Variants in PTPN6 observed in about 807,000 individuals in gnomAD.
The protein encoded by PTPN6 is tyrosine-protein phosphatase non-receptor type 6.
In PTPN6, 18 loss-of-function variants were observed where a neutral mutation model predicts 81.5. The ratio of observed to expected loss-of-function variants is 0.22; its 90% confidence interval spans 0.15 to 0.33. PTPN6 has a LOEUF of 0.33. PTPN6 is among the 10% of genes least tolerant of loss of function. The probability of loss-of-function intolerance (pLI) is 1.00; values close to 1 mark genes in which losing one functional copy is unlikely to be tolerated. For missense variants in PTPN6, 500 were observed against 794.2 expected (o/e 0.63, Z 4.45); for synonymous variants, 301 against 310.9 (o/e 0.97, Z 0.33).
upstream of PTPN6, among the ~76,000 whole-genome samples, chr12:6,949,815 T>C (rs1422726833): frequency 3.3e-5 from 5 of 150,900 alleles, no homozygotes; most frequent in East Asian, 8.0e-4. Context: ...TGTATGGTTT[T>C]TAATTTTTTT....
At chr12:6,946,639 G>A (rs1465451877), upstream of PTPN6, 2 of 1,151,570 alleles carry the variant, frequency 1.7e-6, no homozygotes, top group South Asian at 2.5e-5. Context: ...TTCCTCACCT[G>A]GCTTGGGCCA....
In PTPN6 at chr12:6,958,813, C is replaced by T. The variant is rs781929176; in HGVS notation, c.1361+740C>T. On this transcript the variant is annotated intron_variant, in intron 11 of 15. Coordinates refer to ENST00000318974, the MANE Select transcript of PTPN6 (RefSeq NM_002831.6). ...CCCCTCCGCTTACCAGCTGTGTGGTCTTGGACAAATTACTTAACTTTTCTA... is the reference window on the plus strand; with the variant it reads ...CCCCTCCGCTTACCAGCTGTGTGGTTTTGGACAAATTACTTAACTTTTCTA... 3.9e-5 allele frequency among the ~76,000 whole-genome samples: 6 copies of T among 152,304 alleles called. No homozygotes were observed. The South Asian group carries it at 1.0e-3, about 26-fold the overall frequency.
intron 15 of PTPN6, 56 bp from the exon 16 acceptor site, chr12:6,961,070 G>A (rs1314663487): frequency 6.9e-7 from 1 of 1,442,496 alleles, no homozygotes; most frequent in South Asian, 1.3e-5. Flanking sequence ...AGACCCTCTT[G>A]TTCCACCTCC....
At position 6,954,744 on chromosome 12, in the gene PTPN6, C is replaced by T. The variant is rs1945992124; in HGVS notation, c.327-61C>T. The T allele has an allele frequency of 6.5e-7, 1 of 1,538,588 alleles. No individual in the cohort carries two copies. Among genetic ancestry groups the T allele is most frequent in the African/African-American group, 1.4e-5 (1 of 73,358 alleles). ...ATTTCCGGCCCCTCTCTGTGAATGT[C>T]TCTGCTCAGCGCCTTCCCCTGTGGC... On this transcript the variant is annotated intron_variant, in intron 3 of 15. Coordinates refer to ENST00000318974, the MANE Select transcript of PTPN6 (RefSeq NM_002831.6). The surrounding 1 kb of genome is among the most constrained non-coding windows in gnomAD (Gnocchi z 5.4).
In PTPN6 at chr12:6,960,031, G is replaced by T. The variant is rs1555149431; in HGVS notation, c.1429+37G>T. On this transcript the variant is annotated intron_variant, in intron 12 of 15. Coordinates refer to ENST00000318974, the MANE Select transcript of PTPN6 (RefSeq NM_002831.6). This position sits in a 1 kb window ranked among gnomAD's most constrained non-coding sequence, Gnocchi z 6.1. ...CTGGGGGTTTGGGGGTGGGGGGTGA[G>T]CAGCCCCTCGGTGTCCGCCTATGCC... The T allele has an allele frequency of 1.1e-5, 17 of 1,612,142 alleles. No individual in the cohort carries two copies. Among genetic ancestry groups the T allele is most frequent in the Non-Finnish European group, 1.4e-5 (17 of 1,179,778 alleles).
In PTPN6 at chr12:6,956,084, G is replaced by A; in HGVS notation, c.845-58G>A. 1 of 1,558,910 alleles carries A rather than the reference G, an allele frequency of 6.4e-7. No individual in the cohort carries two copies. The stretch of plus-strand genomic sequence containing the variant: ...TGTTAGCTCAGGAGGGTCTGACCCA[G>A]GTGTGGTGAGTCCCTGGCTAACCCA... On this transcript the variant is annotated intron_variant, in intron 7 of 15. Coordinates refer to ENST00000318974, the MANE Select transcript of PTPN6 (RefSeq NM_002831.6). This position sits in a 1 kb window ranked among gnomAD's most constrained non-coding sequence, Gnocchi z 4.1.
At position 6,952,335 on chromosome 12, in the gene PTPN6, G is replaced by A; in HGVS notation, c.326+158G>A. On this transcript the variant is annotated intron_variant, in intron 3 of 15. Coordinates refer to ENST00000318974, the MANE Select transcript of PTPN6 (RefSeq NM_002831.6). This position sits in a 1 kb window ranked among gnomAD's most constrained non-coding sequence, Gnocchi z 8.1. ...GCTCTCAATGTCCCTCCTCCCTGCT[G>A]TCCTGGGACCTGGTGTCTCAGAGCC... The A allele has an allele frequency of 1.2e-6, 1 of 837,366 alleles. No homozygotes were observed. The highest frequency in any genetic ancestry group is 2.6e-5 in the East Asian group (1 of 37,828). 51.9% of individuals were successfully genotyped at this position (837,366 alleles called of 1,614,324 possible). A position where few individuals can be genotyped will look rare whatever the true frequency, so the allele number is the denominator to read the frequency against.
At chr12:6,950,057 G>A (rs1555147492), upstream of PTPN6, among the ~76,000 whole-genome samples, 2 of 146,654 alleles carry the variant, frequency 1.4e-5, no homozygotes, top group African/African-American at 5.1e-5. Flanking sequence ...TGGGATTACA[G>A]GCGTGAGCCA....
Position 6,951,698 on chromosome 12 carries a change from G to A in PTPN6, c.98G>A (p.Arg33His), listed in dbSNP as rs369614203. 157 of 1,613,444 alleles carry A rather than the reference G, an allele frequency of 9.7e-5. No individual in the cohort carries two copies. Among genetic ancestry groups the A allele is most frequent in the South Asian group, 1.9e-4 (17 of 91,082 alleles). ...GGTAGCTTCCTGGCTCGGCCCAGTC[G>A]CAAGAACCAGGGTGACTTCTCGCTC... Reference protein sequence around the residue: ...VHGSFLARPSRKNQGDFSLSV... With the variant: ...VHGSFLARPSHKNQGDFSLSV... The change falls in exon 2 of 16, where the codon CGC (arginine) becomes CAC (histidine). Residue 33 changes from arginine to histidine, a missense_variant. By Grantham distance (29) the Arg-to-His change is conservative. Transcript: ENST00000318974. The surrounding 1 kb of genome is among the most constrained non-coding windows in gnomAD (Gnocchi z 7.2).
chr12:6,946,698 G>A, upstream of PTPN6: 1 of 1,608,746 alleles, frequency 6.2e-7, no homozygotes, highest in Admixed American at 1.7e-5. Context: ...GCGGCCCTCT[G>A]CCGTGGCTTC....
chr12:6,958,166 C>T (rs1298980190), intron 11 of PTPN6, 93 bp downstream of exon 11: 24 of 1,524,188 alleles, frequency 1.6e-5, no homozygotes, highest in East Asian at 1.4e-4. Flanking sequence ...AACGTTAGCT[C>T]GCACATTGAG....
chr12:6,953,379 G>A (rs782182876), intron 3 of PTPN6: 1 of 152,326 alleles, frequency 6.6e-6, no homozygotes, highest in South Asian at 2.1e-4. Flanking sequence ...GCCTGGAGGT[G>A]GAAGAGAGGA....
At chr12:6,949,403 C>G (rs970904095), upstream of PTPN6, among the ~76,000 whole-genome samples, 7 of 152,180 alleles carry the variant, frequency 4.6e-5, no homozygotes, top group Non-Finnish European at 8.8e-5. Context: ...AGTGCCCATC[C>G]CATCTGCCCC....
chr12:6,948,570 A>G (rs2138251714), upstream of PTPN6, among the ~76,000 whole-genome samples: 1 of 152,042 alleles, frequency 6.6e-6, no homozygotes, highest in African/African-American at 2.4e-5. Context: ...AAGGAAAGAA[A>G]AAGAAAAAGT....
upstream of PTPN6, chr12:6,951,223 C>T: frequency 7.0e-6 from 10 of 1,421,758 alleles, no homozygotes; most frequent in Non-Finnish European, 9.2e-6. The surrounding 1 kb of genome is among the most constrained non-coding windows in gnomAD (Gnocchi z 7.2). Context: ...AAGTGGGCCC[C>T]GTCCCCACCC....
chr12:6,951,540 G>C lies in PTPN6; in HGVS notation c.8+20G>C. On this transcript the variant is annotated intron_variant, in intron 1 of 15. Transcript: ENST00000318974. This position sits in a 1 kb window ranked among gnomAD's most constrained non-coding sequence, Gnocchi z 7.2. ...GGTGAGGTAAGGGCCTGCCACCCAC[G>C]GTAGACAGGAGGCAAGGGTGCCTGG... is the stretch of plus-strand genomic sequence containing the variant. 6.2e-7 allele frequency: 1 copy of C among 1,613,946 alleles called. No homozygotes were observed. Among genetic ancestry groups the C allele is most frequent in the Non-Finnish European group, 8.5e-7 (1 of 1,179,970 alleles).
rs1224255495 is a variant in PTPN6 at position 6,951,387 on chromosome 12, C to CGGG, written c.-123_-121dup. On this transcript the variant is annotated 5_prime_UTR_variant, in exon 1 of 16. Transcript: ENST00000318974. The surrounding 1 kb of genome is among the most constrained non-coding windows in gnomAD (Gnocchi z 7.2). ...GTGGCAGCCCCAGAACTGGGACCACCGGGGGTGGTGAGGCGGCCCGGCACT... is the reference window on the plus strand; with the variant it reads ...GTGGCAGCCCCAGAACTGGGACCACCGGGGGGGGTGGTGAGGCGGCCCGGCACT... 7 of 1,546,948 alleles carry CGGG rather than the reference C, an allele frequency of 4.5e-6. No individual in the cohort carries two copies. The East Asian group carries it at 1.7e-4, about 38-fold the overall frequency.
chr12:6,946,841 C>G, upstream of PTPN6: 1 of 1,285,488 alleles, frequency 7.8e-7, no homozygotes, highest in Non-Finnish European at 1.1e-6. Flanking sequence ...TGAGTGCGAT[C>G]TGCCGCTGCC....
upstream of PTPN6, among the ~76,000 whole-genome samples, chr12:6,948,447 AAAAG>A (rs1156381940): frequency 5.0e-4 from 75 of 151,498 alleles, 1 homozygote; most frequent in East Asian, 0.011. Context: ...AAAAAAAAAA[AAAAG>A]AGAGGGAAGG....
Sources: gnomAD v4.1 joint callset for allele counts (sites outside exome capture counted in the v4.1 genomes callset) on GRCh38, gnomAD v4.1.1 for gene constraint, Gnocchi (gnomAD v3.1) non-coding constraint, MANE v1.5 for transcripts, NCBI Gene and HGNC (gene_info 2026-07-23, HGNC 2026-07-21) for gene names.